MAPRE1: variants seen among roughly 807,000 people sequenced by gnomAD.
MAPRE1 encodes microtubule-associated protein RP/EB family member 1.
Under a neutral mutation model 32.1 loss-of-function variants are expected in MAPRE1, and 5 were observed. That is an observed-to-expected ratio of 0.16 (90% CI 0.08 to 0.33). The LOEUF is 0.33. MAPRE1 is among the 10% of genes least tolerant of loss of function. MAPRE1 has a pLI of 1.00. For synonymous variants in MAPRE1, 122 were observed against 118.9 expected (o/e 1.03, Z -0.17); for missense variants, 209 against 327.2 (o/e 0.64, Z 2.79).
At position 32,848,783 on chromosome 20, in the gene MAPRE1, A is replaced by C. The variant is rs181293011; in HGVS notation, c.*55A>C. 274 of 1,437,578 alleles carry C rather than the reference A, an allele frequency of 1.9e-4. No individual in the cohort carries two copies. In the African/African-American group the frequency reaches 3.6e-3, roughly 19 times the overall value. The allele number at this position is 1,437,578 out of a possible 1,614,324, so 89.1% of individuals were successfully genotyped here. ...TTCTTCACTCCAAATCATGTGCTTAACTGTAAAATACTCCCTTTTGTTATC... is the reference window on the plus strand; with the variant it reads ...TTCTTCACTCCAAATCATGTGCTTACCTGTAAAATACTCCCTTTTGTTATC... On this transcript the variant is annotated 3_prime_UTR_variant, in exon 7 of 7. Transcript: ENST00000375571.
intron 2 of MAPRE1, among the ~76,000 whole-genome samples, 187 bp downstream of exon 2, chr20:32,826,235 T>G (rs1271694920): frequency 8.0e-6 from 1 of 125,056 alleles, no homozygotes; most frequent in African/African-American, 3.3e-5. Context: ...TTTTTTTTTT[T>G]TGACAGAGTC....
chr20:32,838,331 T>C (rs969124256), intron 4 of MAPRE1, among the ~76,000 whole-genome samples: 1 of 152,214 alleles, frequency 6.6e-6, no homozygotes, highest in African/African-American at 2.4e-5. Flanking sequence ...CTTCATTCTT[T>C]TTTATTGTGG....
chr20:32,845,020 TATGTATGTATGTATGAATGAATGA>T (rs1474978165), intron 5 of MAPRE1, among the ~76,000 whole-genome samples: 1 of 140,062 alleles, frequency 7.1e-6, no homozygotes, highest in Non-Finnish European at 1.5e-5. Flanking sequence ...TGTATGTATG[TATGTATGTATGTATGAATGAATGA>T]ATGAATGATT....
At chr20:32,842,924 A>G (rs901966772) in intron 5 of MAPRE1, among the ~76,000 whole-genome samples, 18 of 152,170 alleles carry the variant, frequency 1.2e-4, no homozygotes, top group Non-Finnish European at 2.2e-4. Flanking sequence ...TAGAACTTCA[A>G]CAGTCGAGGT....
At chr20:32,830,721 A>G (rs1179950429) in intron 2 of MAPRE1, among the ~76,000 whole-genome samples, 1 of 150,438 alleles carries the variant, frequency 6.6e-6, no homozygotes, top group East Asian at 2.0e-4. Flanking sequence ...TTTCTGATCA[A>G]GGAAGTATCT....
intron 2 of MAPRE1, among the ~76,000 whole-genome samples, chr20:32,830,118 C>T (rs902635901): frequency 2.6e-5 from 4 of 152,148 alleles, no homozygotes; most frequent in Non-Finnish European, 4.4e-5. Context: ...CTCCCCTTCT[C>T]CTCCTTGTCT....
At position 32,827,885 on chromosome 20, in the gene MAPRE1, G is replaced by T. The variant is rs1248849780; in HGVS notation, c.121+1837G>T. 2.8e-5 allele frequency among the ~76,000 whole-genome samples: 4 copies of T among 142,034 alleles called. No homozygotes were observed. The Admixed American group carries it at 2.9e-4, about 10-fold the overall frequency. 93.2% of individuals were successfully genotyped at this position (142,034 alleles called of 152,430 possible). A position where few individuals can be genotyped will look rare whatever the true frequency, so the allele number is the denominator to read the frequency against. ...ACTCCAGCCTGGGTGACAGAGCGAG[G>T]CTCTGTCTCAAAAAAAAAAAAAATT... On this transcript the variant is annotated intron_variant, in intron 2 of 6. Coordinates refer to ENST00000375571, the MANE Select transcript of MAPRE1 (RefSeq NM_012325.3).
intron 5 of MAPRE1, 146 bp from the exon 6 acceptor site, chr20:32,846,472 G>T: frequency 1.4e-6 from 1 of 740,552 alleles, no homozygotes; most frequent in Non-Finnish European, 2.3e-6. Context: ...ATCTGAGGCT[G>T]AAGAAAATTG....
intron 5 of MAPRE1, among the ~76,000 whole-genome samples, chr20:32,842,825 T>G (rs916754632): frequency 8.5e-5 from 13 of 152,156 alleles, no homozygotes; most frequent in African/African-American, 3.1e-4. Context: ...GAACCACAAC[T>G]CTTATGGGGG....
At chr20:32,826,519 CTTTTTTT>C (rs71338460) in intron 2 of MAPRE1, among the ~76,000 whole-genome samples, 32 of 46,558 alleles carry the variant, frequency 6.9e-4, no homozygotes, top group South Asian at 3.0e-3. Flanking sequence ...CACGCCCGGC[CTTTTTTT>C]TTTTTTTTTT....
At position 32,830,025 on chromosome 20, in the gene MAPRE1, A is replaced by G. The variant is rs566539068; in HGVS notation, c.122-3692A>G. ...GTGAATTGTTCCTGTGTTGCATTCC[A>G]TATTCAGGCCCCTCTGCATTTTCTC... On this transcript the variant is annotated intron_variant, in intron 2 of 6. Coordinates refer to ENST00000375571, the MANE Select transcript of MAPRE1 (RefSeq NM_012325.3). 5.9e-5 allele frequency among the ~76,000 whole-genome samples: 9 copies of G among 152,268 alleles called. No individual in the cohort carries two copies. The Middle Eastern group carries it at 0.014, about 230-fold the overall frequency.
intron 3 of MAPRE1, among the ~76,000 whole-genome samples, chr20:32,834,659 A>G (rs1188996950): frequency 6.6e-6 from 1 of 152,116 alleles, no homozygotes; most frequent in Non-Finnish European, 1.5e-5. Flanking sequence ...TCTCTACAAT[A>G]TATAAAATAG....
chr20:32,826,519 CTTTT>C, intron 2 of MAPRE1, among the ~76,000 whole-genome samples: 1 of 46,556 alleles, frequency 2.1e-5, no homozygotes, highest in South Asian at 1.5e-3. Flanking sequence ...CACGCCCGGC[CTTTT>C]TTTTTTTTTT....
chr20:32,839,636 C>A, intron 4 of MAPRE1, 99 bp from the exon 5 acceptor site: 1 of 1,522,420 alleles, frequency 6.6e-7, no homozygotes, highest in Non-Finnish European at 8.9e-7. Context: ...AACACCTGTG[C>A]AAGGCAGATG....
chr20:32,827,542 C>T (rs1433598267), intron 2 of MAPRE1, among the ~76,000 whole-genome samples: 1 of 152,072 alleles, frequency 6.6e-6, no homozygotes, highest in Non-Finnish European at 1.5e-5. Context: ...CTATTCAAGC[C>T]GGCTACTGTT....
At chr20:32,847,464 T>C (rs1004251068) in intron 6 of MAPRE1, among the ~76,000 whole-genome samples, 4 of 152,218 alleles carry the variant, frequency 2.6e-5, no homozygotes, top group East Asian at 1.9e-4. Context: ...TCTGGTAGTA[T>C]GTGTAGCACT....
intron 5 of MAPRE1, among the ~76,000 whole-genome samples, chr20:32,842,329 T>C (rs939718044): frequency 6.6e-6 from 1 of 152,212 alleles, no homozygotes; most frequent in African/African-American, 2.4e-5. Flanking sequence ...TTGTGATCCA[T>C]CTGCCTCAGC....
At chr20:32,831,399 T>C (rs898086460) in intron 2 of MAPRE1, among the ~76,000 whole-genome samples, 4 of 152,044 alleles carry the variant, frequency 2.6e-5, no homozygotes, top group African/African-American at 9.7e-5. Flanking sequence ...TAAATAAGAA[T>C]GTTTCTTTCT....
intron 1 of MAPRE1, among the ~76,000 whole-genome samples, chr20:32,825,403 A>G (rs532811513): frequency 6.6e-6 from 1 of 152,118 alleles, no homozygotes; most frequent in South Asian, 2.1e-4. Context: ...TGGGCAGTTC[A>G]TTTCAGGTCA....
Sources: gnomAD v4.1 joint callset for allele counts (sites outside exome capture counted in the v4.1 genomes callset) on GRCh38, gnomAD v4.1.1 for gene constraint, MANE v1.5 for transcripts, NCBI Gene and HGNC (gene_info 2026-07-23, HGNC 2026-07-21) for gene names.